The following ASAP1 variants were observed in gnomAD, a reference collection of about 807,000 sequenced individuals.
ASAP1 encodes the protein ArfGAP with SH3 domain, ankyrin repeat and PH domain 1, also known as arf-GAP with SH3 domain, ANK repeat and PH domain-containing protein 1.
A neutral mutation model predicts 145.2 loss-of-function variants in ASAP1; 43 were observed. That is an observed-to-expected ratio of 0.30 (90% CI 0.23 to 0.38). ASAP1 has a LOEUF of 0.38. Ranked by LOEUF, ASAP1 falls within the 10% of genes least tolerant of loss-of-function variation. ASAP1 has a pLI of 1.00. For synonymous variants in ASAP1, 546 were observed against 515.5 expected (o/e 1.06, Z -0.80); for missense variants, 1,018 against 1,355.3 (o/e 0.75, Z 3.91).
In ASAP1 at chr8:130,417,872, CT is replaced by C. The variant is rs1829553840; in HGVS notation, c.-27-15903del. ...CAGCAATCCCTGCAGGAAAGCCTCG[CT>C]GTACTGGTGGTTCTAATAAAAGTCT... On this transcript the variant is annotated intron_variant, in intron 1 of 29. Coordinates refer to ENST00000518721, the MANE Select transcript of ASAP1 (RefSeq NM_018482.4). Among the ~76,000 whole-genome samples, 4 of 152,220 alleles carry C rather than the reference CT, an allele frequency of 2.6e-5. 1 individual carries two copies. Among genetic ancestry groups the C allele is most frequent in the South Asian group, 2.1e-4 (1 of 4,832 alleles).
At chr8:130,260,418 TACTG>T (rs765691991) in intron 3 of ASAP1, among the ~76,000 whole-genome samples, 21 of 152,326 alleles carry the variant, frequency 1.4e-4, no homozygotes, top group South Asian at 1.0e-3. Flanking sequence ...CATCCCATCT[TACTG>T]ACTAACAGAG....
intron 13 of ASAP1, among the ~76,000 whole-genome samples, chr8:130,148,801 C>T (rs2097639141): frequency 6.6e-6 from 1 of 152,072 alleles, no homozygotes; most frequent in Admixed American, 6.5e-5. Flanking sequence ...ATAGTTTAGT[C>T]GCTTCATATA....
chr8:130,298,355 T>C (rs936708813), intron 3 of ASAP1, among the ~76,000 whole-genome samples: 11 of 152,166 alleles, frequency 7.2e-5, no homozygotes, highest in South Asian at 6.2e-4. Context: ...TTTTCAAGGG[T>C]TGAAAATCAC....
In ASAP1 at chr8:130,134,334, T is replaced by C; in HGVS notation, c.1179A>G (p.Thr393=). 1 of 1,572,898 alleles carries C rather than the reference T, an allele frequency of 6.4e-7. No homozygotes were observed. Among genetic ancestry groups the C allele is most frequent in the African/African-American group, 1.4e-5 (1 of 73,162 alleles). The change falls in exon 15 of 30, where the codon ACA becomes ACG. Residue 393 remains threonine, a synonymous_variant. Transcript: ENST00000518721. ...GCTCATCTTCTGCCTGAAAGTGATA[T>C]GTTCTATTATCTAAAATAAAAAAAA... The part of the protein sequence containing the change: ...KSFDLISHNR[T]YHFQAEDEQD...
chr8:130,376,621 G>C (rs137988854), intron 2 of ASAP1, among the ~76,000 whole-genome samples: 2,012 of 152,258 alleles, frequency 0.013, 51 homozygotes, highest in African/African-American at 0.045. Context: ...AGCTACTCGG[G>C]AGGCTGAGGC....
chr8:130,231,023 G>A (rs1243333966), intron 4 of ASAP1, among the ~76,000 whole-genome samples: 1 of 152,130 alleles, frequency 6.6e-6, no homozygotes, highest in Non-Finnish European at 1.5e-5. Context: ...TAGCTCAAAT[G>A]AAGTTGTTTG....
intron 3 of ASAP1, among the ~76,000 whole-genome samples, chr8:130,344,543 G>A (rs944121736): frequency 2.6e-5 from 4 of 152,088 alleles, no homozygotes; most frequent in South Asian, 2.1e-4. Flanking sequence ...GTTACATGTC[G>A]CTCTGCTATT....
chr8:130,105,537 A>G (rs2097535510), intron 24 of ASAP1, among the ~76,000 whole-genome samples: 2 of 152,244 alleles, frequency 1.3e-5, no homozygotes, highest in African/African-American at 2.4e-5. Context: ...GTTATTAACT[A>G]CAGGCACCAG....
intron 3 of ASAP1, among the ~76,000 whole-genome samples, chr8:130,333,091 A>G (rs1221997961): frequency 6.6e-6 from 1 of 152,146 alleles, no homozygotes; most frequent in East Asian, 1.9e-4. Context: ...TATTTTGGGT[A>G]AGTAGCTCTC....
At chr8:130,342,880 C>T (rs1424747172) in intron 3 of ASAP1, among the ~76,000 whole-genome samples, 1 of 152,158 alleles carries the variant, frequency 6.6e-6, no homozygotes. Flanking sequence ...CCCCTCTCTC[C>T]AAGATACTTC....
chr8:130,137,131 G>A (rs2097596768), intron 13 of ASAP1, 93 bp from the exon 14 acceptor site: 1 of 993,520 alleles, frequency 1.0e-6, no homozygotes, highest in Non-Finnish European at 1.6e-6. Flanking sequence ...CTGTTCATAA[G>A]GCCTGCTCAG....
intron 4 of ASAP1, among the ~76,000 whole-genome samples, chr8:130,219,708 T>C (rs1181428437): frequency 6.6e-6 from 1 of 152,174 alleles, no homozygotes; most frequent in Non-Finnish European, 1.5e-5. Flanking sequence ...ATGTGATCCA[T>C]CCGTTAAGAA....
At chr8:130,334,657 G>A (rs1232103413) in intron 3 of ASAP1, among the ~76,000 whole-genome samples, 2 of 152,196 alleles carry the variant, frequency 1.3e-5, no homozygotes, top group Non-Finnish European at 2.9e-5. Context: ...CAAGATGAAT[G>A]AAAAGGTCTA....
intron 3 of ASAP1, among the ~76,000 whole-genome samples, chr8:130,263,795 C>G (rs765616823): frequency 6.6e-6 from 1 of 152,294 alleles, no homozygotes; most frequent in African/African-American, 2.4e-5. Flanking sequence ...GTGCCTTCTA[C>G]CAACTATGCA....
Position 130,074,146 on chromosome 8 carries a change from C to T in ASAP1, c.2701+2202G>A, listed in dbSNP as rs554474038. 2.6e-5 allele frequency among the ~76,000 whole-genome samples: 4 copies of T among 151,254 alleles called. No individual in the cohort carries two copies. The South Asian group carries it at 8.4e-4, about 32-fold the overall frequency. On this transcript the variant is annotated intron_variant, in intron 27 of 29. Coordinates refer to ENST00000518721, the MANE Select transcript of ASAP1 (RefSeq NM_018482.4). Reference sequence around the variant, plus strand: ...AAAAAAGGGGGCAATTGTGAGACAGCTGGATATGTTAACACTGGGTATTTG... The same window carrying T: ...AAAAAAGGGGGCAATTGTGAGACAGTTGGATATGTTAACACTGGGTATTTG...
chr8:130,065,694 G>A (rs567862441), intron 27 of ASAP1, among the ~76,000 whole-genome samples: 14 of 152,264 alleles, frequency 9.2e-5, no homozygotes, highest in Non-Finnish European at 1.6e-4. Flanking sequence ...GTATCTATCA[G>A]AACATTTGTT....
chr8:130,290,601 C>T (rs1052798155), intron 3 of ASAP1, among the ~76,000 whole-genome samples: 2 of 152,200 alleles, frequency 1.3e-5, no homozygotes, highest in Non-Finnish European at 2.9e-5. Context: ...ATCCTTCCAG[C>T]CTTCCCTCAT....
intron 9 of ASAP1, among the ~76,000 whole-genome samples, chr8:130,176,128 T>A (rs1813933782): frequency 1.3e-5 from 2 of 152,230 alleles, no homozygotes; most frequent in African/African-American, 4.8e-5. Context: ...TCTGTTCCCT[T>A]TATTTATTTC....
In ASAP1 at chr8:130,115,693, C is replaced by A; in HGVS notation, c.2107G>T (p.Val703Leu). Residue 703 changes from valine to leucine, a missense_variant, in exon 23 of 30, where the codon GTA becomes TTA. Coordinates refer to ENST00000518721, the MANE Select transcript of ASAP1 (RefSeq NM_018482.4). ...KSGKFNPHVH[V>L]EYEWNLRQEE... is the part of the protein sequence containing the mutation. ...TGTCGAAGATTCCACTCATATTCTA[C>A]GTGGACGTGTGGATTGAACTTTCCA... 6 of 1,614,138 alleles carry A rather than the reference C, an allele frequency of 3.7e-6. No homozygotes were observed. The highest frequency in any genetic ancestry group is 4.5e-5 in the East Asian group (2 of 44,882).
Sources: gnomAD v4.1 joint callset for allele counts (sites outside exome capture counted in the v4.1 genomes callset) on GRCh38, gnomAD v4.1.1 for gene constraint, MANE v1.5 for transcripts, NCBI Gene and HGNC (gene_info 2026-07-23, HGNC 2026-07-21) for gene names.